AKAP13: variants seen among roughly 807,000 people sequenced by gnomAD.
AKAP13 encodes the protein A-kinase anchor protein 13.
AKAP13 carries 80 observed loss-of-function variants against 264.5 expected under a neutral mutation model. The ratio of observed to expected loss-of-function variants is 0.30; its 90% CI spans 0.25 to 0.36. AKAP13 has a LOEUF of 0.36. Among genes scored for constraint, AKAP13 ranks in the 10% least tolerant of loss-of-function variants. The pLI is 1.00. For synonymous variants in AKAP13, 1,380 were observed against 1,250.2 expected, an observed-to-expected ratio of 1.10 and a Z score of -2.19; for missense variants, 3,712 against 3,435.2, an observed-to-expected ratio of 1.08 and a Z score of -2.01.
intron 8 of AKAP13, among the ~76,000 whole-genome samples, chr15:85,610,683 T>C (rs1412002826): frequency 6.6e-6 from 1 of 152,202 alleles, no homozygotes; most frequent in Non-Finnish European, 1.5e-5. Flanking sequence ...AGTATACAGA[T>C]AGAGCTTAAG....
At chr15:85,542,648 G>A (rs1053629312) in intron 4 of AKAP13, among the ~76,000 whole-genome samples, 1 of 152,248 alleles carries the variant, frequency 6.6e-6, no homozygotes, top group Admixed American at 6.5e-5. Context: ...CTGGAGTTAA[G>A]TGTAGTACAG....
intron 13 of AKAP13, among the ~76,000 whole-genome samples, chr15:85,667,556 T>C (rs767123053): frequency 7.2e-5 from 11 of 152,218 alleles, no homozygotes; most frequent in South Asian, 2.1e-4. Flanking sequence ...TTCAAATTTA[T>C]AGAATCCTTT....
chr15:85,490,719 G>A (rs1211676922), intron 2 of AKAP13, among the ~76,000 whole-genome samples: 1 of 152,178 alleles, frequency 6.6e-6, no homozygotes, highest in Non-Finnish European at 1.5e-5. Context: ...TTATTCAGGT[G>A]CCTTCTTTGT....
chr15:85,643,896 G>A (rs937377384), intron 9 of AKAP13, among the ~76,000 whole-genome samples: 1 of 152,222 alleles, frequency 6.6e-6, no homozygotes, highest in African/African-American at 2.4e-5. Flanking sequence ...TACTTGAGAT[G>A]TTATTTAGGA....
intron 2 of AKAP13, among the ~76,000 whole-genome samples, chr15:85,508,755 GTTCA>G (rs2076321224): frequency 1.3e-5 from 2 of 152,266 alleles, no homozygotes; most frequent in Non-Finnish European, 1.5e-5. Context: ...TCCATCCAGT[GTTCA>G]TTCATTTGCT....
At chr15:85,598,993 G>T (rs536139337) in intron 8 of AKAP13, among the ~76,000 whole-genome samples, 1 of 152,086 alleles carries the variant, frequency 6.6e-6, no homozygotes, top group Non-Finnish European at 1.5e-5. Flanking sequence ...TATTACCCTC[G>T]TAGTCAACAC....
At chr15:85,390,007 CTATT>C (rs2070774368) in intron 1 of AKAP13, 2 of 152,298 alleles carry the variant, frequency 1.3e-5, no homozygotes, top group Admixed American at 6.5e-5. Flanking sequence ...GGTGCATTTG[CTATT>C]TATTTACTAT....
At chr15:85,503,148 T>G (rs991697615) in intron 2 of AKAP13, among the ~76,000 whole-genome samples, 5 of 152,206 alleles carry the variant, frequency 3.3e-5, no homozygotes, top group Non-Finnish European at 7.3e-5. Flanking sequence ...AACCTTAATT[T>G]GTGTAAGACA....
chr15:85,741,543 G>A, intron 35 of AKAP13, 48 bp downstream of exon 35: 1 of 1,518,452 alleles, frequency 6.6e-7, no homozygotes, highest in Non-Finnish European at 8.8e-7. Context: ...TATTAATTAA[G>A]ACCCCCTGTG....
chr15:85,634,484 G>A (rs923878617), intron 8 of AKAP13, among the ~76,000 whole-genome samples: 1 of 152,088 alleles, frequency 6.6e-6, no homozygotes, highest in African/African-American at 2.4e-5. Context: ...TGATTAAAGG[G>A]TTATAATGTT....
chr15:85,697,654 A>T (rs189870770), intron 17 of AKAP13, among the ~76,000 whole-genome samples: 17 of 152,372 alleles, frequency 1.1e-4, no homozygotes, highest in African/African-American at 4.1e-4. Flanking sequence ...GGGTAGATTT[A>T]AAAACAACTG....
Position 85,532,387 on chromosome 15 carries a change from C to T in AKAP13, c.182-1197C>T, listed in dbSNP as rs116367685. Among the ~76,000 whole-genome samples the T allele has an allele frequency of 3.5e-3, 534 of 152,322 alleles. 4 individuals carry two copies. Among genetic ancestry groups the T allele is most frequent in the African/African-American group, 0.012 (508 of 41,562 alleles). On this transcript the variant is annotated intron_variant, in intron 3 of 36. Coordinates refer to ENST00000394518, the MANE Select transcript of AKAP13 (RefSeq NM_007200.5). ...TGTGCCCGTGGTATGGAAATTCAGT[C>T]GCAGGGACCATGTAGAGGGTTTCCC... is the stretch of plus-strand genomic sequence containing the variant.
intron 35 of AKAP13, among the ~76,000 whole-genome samples, chr15:85,742,726 G>A (rs1191785788): frequency 1.3e-5 from 2 of 152,218 alleles, no homozygotes; most frequent in African/African-American, 2.4e-5. Flanking sequence ...GGCAGATGGA[G>A]AGCCTGGGTG....
At chr15:85,578,173 C>G (rs2079076581) in intron 6 of AKAP13, among the ~76,000 whole-genome samples, 1 of 152,218 alleles carries the variant, frequency 6.6e-6, no homozygotes, top group South Asian at 2.1e-4. Context: ...GTCCTAGCTA[C>G]TGAAGAGGCT....
intron 2 of AKAP13, among the ~76,000 whole-genome samples, chr15:85,503,571 G>A (rs12910373): frequency 6.6e-6 from 1 of 151,886 alleles, no homozygotes; most frequent in African/African-American, 2.4e-5. Flanking sequence ...GCTGGGCTCC[G>A]TGACTTAGGC....
At chr15:85,413,133 A>C (rs2072064370) in intron 1 of AKAP13, among the ~76,000 whole-genome samples, 1 of 152,250 alleles carries the variant, frequency 6.6e-6, no homozygotes, top group Non-Finnish European at 1.5e-5. Flanking sequence ...CCTTAGGGAA[A>C]AGTGCAGAAT....
chr15:85,700,706 C>T (rs2085861264), intron 17 of AKAP13, among the ~76,000 whole-genome samples: 2 of 152,052 alleles, frequency 1.3e-5, no homozygotes, highest in Admixed American at 1.3e-4. Flanking sequence ...GGTATAATTC[C>T]CAAATTTTAA....
At chr15:85,414,002 A>T (rs1449529453) in intron 1 of AKAP13, among the ~76,000 whole-genome samples, 1 of 152,018 alleles carries the variant, frequency 6.6e-6, no homozygotes, top group Non-Finnish European at 1.5e-5. Flanking sequence ...AACCTTTTTT[A>T]CCACCTCAGT....
Position 85,741,489 on chromosome 15 carries a change from G to A in AKAP13, c.8052G>A (p.Leu2684=). ...GCCAGCGGCAGACAGAACGGGACCT[G>A]TGTCAGGTAATGGGACTCCCTGCCG... ...RLSQRQTERD[L]CQVSHPHTKL... Residue 2684 remains leucine, a synonymous_variant, in exon 35 of 37, where the codon CTG becomes CTA. Coordinates refer to ENST00000394518, the MANE Select transcript of AKAP13 (RefSeq NM_007200.5). 6 of 1,585,278 alleles carry A rather than the reference G, an allele frequency of 3.8e-6. No individual in the cohort carries two copies. The highest frequency in any genetic ancestry group is 1.3e-5 in the African/African-American group (1 of 74,212).
Sources: allele counts gnomAD v4.1 joint callset (sites outside exome capture counted in the v4.1 genomes callset), GRCh38; gene constraint gnomAD v4.1.1; transcripts MANE v1.5; gene names NCBI Gene and HGNC (gene_info 2026-07-23, HGNC 2026-07-21).